Variants in TLE1 observed in about 807,000 individuals in gnomAD.
TLE1 encodes the protein TLE family member 1, transcriptional corepressor, also known as transducin-like enhancer protein 1.
In TLE1, 21 loss-of-function variants were observed where a neutral mutation model predicts 89.8. The observed-to-expected ratio is 0.23, with a 90% confidence interval of 0.17 to 0.34. TLE1 has a LOEUF of 0.34. Among genes scored for constraint, TLE1 ranks in the 10% least tolerant of loss-of-function variants. TLE1 has a pLI of 1.00. For synonymous variants in TLE1, 447 were observed against 407.6 expected, an observed-to-expected ratio of 1.10 and a Z score of -1.16; for missense variants, 795 against 1,031.2, an observed-to-expected ratio of 0.77 and a Z score of 3.14.
intron 14 of TLE1, among the ~76,000 whole-genome samples, chr9:81,609,107 CAG>C (rs1823372925): frequency 6.6e-6 from 1 of 151,482 alleles, no homozygotes; most frequent in South Asian, 2.1e-4. Flanking sequence ...CTTTTTGAGA[CAG>C]AGTCTCCTTC....
intron 18 of TLE1, 115 bp downstream of exon 18, chr9:81,585,390 C>T: frequency 7.7e-7 from 1 of 1,291,138 alleles, no homozygotes; most frequent in Non-Finnish European, 1.1e-6. Context: ...AGAATTATTG[C>T]ATCCAGCTGC....
rs77127780 is a variant in TLE1, at chr9:81,647,649, G to A, written c.372+4565C>T. Reference sequence around the variant, plus strand: ...CAGGCAGACAAAACTGCAGTTCAAGGAGTCAGGACCACATGTTCAGGGAAG... The same window carrying A: ...CAGGCAGACAAAACTGCAGTTCAAGAAGTCAGGACCACATGTTCAGGGAAG... On this transcript the variant is annotated intron_variant, in intron 6 of 19. Coordinates refer to ENST00000376499, the MANE Select transcript of TLE1 (RefSeq NM_005077.5). 1.1e-3 allele frequency among the ~76,000 whole-genome samples: 167 copies of A among 152,264 alleles called. 3 individuals carry two copies. The East Asian group carries it at 0.027, about 25-fold the overall frequency.
intron 2 of TLE1, 21 bp downstream of exon 2, chr9:81,687,313 A>G (rs928090466): frequency 6.3e-7 from 1 of 1,587,398 alleles, no homozygotes; most frequent in Non-Finnish European, 8.6e-7. Flanking sequence ...GACCACTCGC[A>G]TGGCGCGGCC....
Position 81,584,607 on chromosome 9 carries a change from A to G in TLE1, c.2129-83T>C, listed in dbSNP as rs1458075040. On this transcript the variant is annotated intron_variant, in intron 18 of 19. Coordinates refer to ENST00000376499, the MANE Select transcript of TLE1 (RefSeq NM_005077.5). ...TAGCAACTTGGACTTAATCAAACTAAGAACATTTTTAATATATGAACTATC... is the reference window on the plus strand; with the variant it reads ...TAGCAACTTGGACTTAATCAAACTAGGAACATTTTTAATATATGAACTATC... 6 of 1,315,260 alleles carry G rather than the reference A, an allele frequency of 4.6e-6. No individual in the cohort carries two copies. In the East Asian group the frequency reaches 1.2e-4, roughly 25 times the overall value. The allele number at this position is 1,315,260 out of a possible 1,614,324, so 81.5% of individuals were successfully genotyped here.
At chr9:81,675,698 G>GTTGTTTTTTTTTTT (rs1832785716) in intron 4 of TLE1, among the ~76,000 whole-genome samples, 1 of 129,666 alleles carries the variant, frequency 7.7e-6, no homozygotes, top group African/African-American at 3.3e-5. Flanking sequence ...ACTCACACTA[G>GTTGTTTTTTTTTTT]TTTTTTTTTG....
chr9:81,684,595 A>G (rs1286358505), intron 4 of TLE1, among the ~76,000 whole-genome samples: 2 of 152,190 alleles, frequency 1.3e-5, no homozygotes, highest in African/African-American at 2.4e-5. Flanking sequence ...GAACTAATCA[A>G]TTTCTCCACT....
intron 16 of TLE1, among the ~76,000 whole-genome samples, chr9:81,589,944 C>A (rs148064084): frequency 6.6e-6 from 1 of 151,982 alleles, no homozygotes; most frequent in African/African-American, 2.4e-5. Context: ...ATTTCTACAG[C>A]GGAGGTTTGA....
At chr9:81,631,349 T>C (rs560066628) in intron 8 of TLE1, among the ~76,000 whole-genome samples, 1 of 152,346 alleles carries the variant, frequency 6.6e-6, no homozygotes, top group East Asian at 1.9e-4. Context: ...AGGTATAAAA[T>C]ACATCTCTAC....
At chr9:81,604,743 G>C (rs745775897) in intron 14 of TLE1, among the ~76,000 whole-genome samples, 1 of 152,082 alleles carries the variant, frequency 6.6e-6, no homozygotes. Flanking sequence ...TCTTCTGGCT[G>C]TAACACTCAG....
At chr9:81,652,366 T>C (rs1829663197) in intron 5 of TLE1, 78 bp from the exon 6 acceptor site, 2 of 1,269,324 alleles carry the variant, frequency 1.6e-6, no homozygotes, top group Non-Finnish European at 1.1e-6. Context: ...AAAAGTCAAA[T>C]GCTGTGTGCA....
At chr9:81,657,785 T>A (rs1367207668) in intron 4 of TLE1, among the ~76,000 whole-genome samples, 1 of 152,076 alleles carries the variant, frequency 6.6e-6, no homozygotes, top group Non-Finnish European at 1.5e-5. Flanking sequence ...CCATACACTT[T>A]AAATCATCTC....
In TLE1 at chr9:81,688,518, G is replaced by A. The variant is rs1185693023; in HGVS notation, c.-278C>T. ...ACCTGCGCGGAGACGTCGGGCGCTC[G>A]GGGACTGTGCGCGGGGGCAGCGCTC... On this transcript the variant is annotated 5_prime_UTR_variant, in exon 1 of 20. Transcript: ENST00000376499. 3 of 371,096 alleles carry A rather than the reference G, an allele frequency of 8.1e-6. No individual in the cohort carries two copies. Among genetic ancestry groups the A allele is most frequent in the Non-Finnish European group, 9.5e-6 (2 of 211,130 alleles). 23.0% of individuals were successfully genotyped at this position (371,096 alleles called of 1,614,324 possible).
chr9:81,686,324 T>A (rs1442916883), intron 2 of TLE1, among the ~76,000 whole-genome samples: 2 of 152,192 alleles, frequency 1.3e-5, no homozygotes, highest in Non-Finnish European at 2.9e-5. Context: ...ATCTGTTAAG[T>A]TACTCCTACA....
At chr9:81,666,987 G>T (rs1249582434) in intron 4 of TLE1, among the ~76,000 whole-genome samples, 1 of 151,946 alleles carries the variant, frequency 6.6e-6, no homozygotes, top group Non-Finnish European at 1.5e-5. Context: ...GGGTGTGGTG[G>T]TGTGGCCTAT....
At chr9:81,682,836 G>A (rs115946736) in intron 4 of TLE1, among the ~76,000 whole-genome samples, 61 of 152,134 alleles carry the variant, frequency 4.0e-4, no homozygotes, top group African/African-American at 1.4e-3. Flanking sequence ...TCTATAAAGG[G>A]CTCCAAGAAA....
intron 8 of TLE1, among the ~76,000 whole-genome samples, chr9:81,628,010 G>A (rs1438547640): frequency 6.6e-6 from 1 of 152,090 alleles, no homozygotes; most frequent in African/African-American, 2.4e-5. Flanking sequence ...CTTGAAGCCA[G>A]GAATTCGACA....
At chr9:81,684,254 G>GA (rs60617965) in intron 4 of TLE1, among the ~76,000 whole-genome samples, 19,785 of 151,488 alleles carry the variant, frequency 0.13, 1,864 homozygotes, top group East Asian at 0.49. Context: ...TTACTATCAA[G>GA]AAGTTACAAG....
chr9:81,654,134 G>T, intron 4 of TLE1, 98 bp from the exon 5 acceptor site: 2 of 1,094,298 alleles, frequency 1.8e-6, no homozygotes, highest in Non-Finnish European at 2.7e-6. Flanking sequence ...CCTCTCCCTT[G>T]CTCTGGAAAT....
intron 14 of TLE1, among the ~76,000 whole-genome samples, chr9:81,608,440 G>A (rs1277734645): frequency 6.6e-6 from 1 of 152,150 alleles, no homozygotes; most frequent in East Asian, 1.9e-4. Context: ...CTGGAGCCTA[G>A]GAGGTCGAGG....
Sources: allele counts gnomAD v4.1 joint callset (sites outside exome capture counted in the v4.1 genomes callset), GRCh38; gene constraint gnomAD v4.1.1; transcripts MANE v1.5; gene names NCBI Gene and HGNC (gene_info 2026-07-23, HGNC 2026-07-21).